The following PRL variants were observed in gnomAD, a reference collection of about 807,000 sequenced individuals.
The protein encoded by PRL is decidual prolactin.
PRL carries 24 observed loss-of-function variants against 21.3 expected under a neutral mutation model. The ratio of observed to expected loss-of-function variants is 1.13; its 90% CI spans 0.82 to 1.59. PRL has a LOEUF of 1.59. Ranked by LOEUF, PRL falls within the 40% of genes most tolerant of loss-of-function variation. The pLI is 0.00. For synonymous variants in PRL, 118 were observed against 115.7 expected (o/e 1.02, Z -0.13); for missense variants, 243 against 286.9 (o/e 0.85, Z 1.10).
chr6:22,302,189 A>T (rs776199129), upstream of PRL, among the ~76,000 whole-genome samples: 7 of 152,184 alleles, frequency 4.6e-5, no homozygotes, highest in Non-Finnish European at 1.0e-4. Flanking sequence ...TCAACAAATG[A>T]TGCAAAGTTC....
chr6:22,292,528 A>G lies in PRL; in HGVS notation c.312+10T>C. ...GTTGTTTTGGTGCAAAGCCTGGATG[A>G]AGGACTCACATTCATCTGTTGGGCT... On this transcript the variant is annotated intron_variant, in intron 3 of 4. Coordinates refer to ENST00000306482, the MANE Select transcript of PRL (RefSeq NM_000948.6). The G allele has an allele frequency of 6.2e-7, 1 of 1,612,410 alleles. No homozygotes were observed. Among genetic ancestry groups the G allele is most frequent in the Non-Finnish European group, 8.5e-7 (1 of 1,178,540 alleles).
chr6:22,288,648 G>A lies in PRL; in HGVS notation c.493-1055C>T, dbSNP rs903210678. Among the ~76,000 whole-genome samples the A allele has an allele frequency of 2.0e-5, 3 of 152,170 alleles. No homozygotes were observed. The highest frequency in any genetic ancestry group is 4.8e-5 in the African/African-American group (2 of 41,424). Reference sequence around the variant, plus strand: ...AGGAGGCTGAACAGCACAACAGAGGGCATGCTATGTTTCTTCACACTCTAT... The same window carrying A: ...AGGAGGCTGAACAGCACAACAGAGGACATGCTATGTTTCTTCACACTCTAT... On this transcript the variant is annotated intron_variant, in intron 4 of 4. Coordinates refer to ENST00000306482, the MANE Select transcript of PRL (RefSeq NM_000948.6). This position sits in a 1 kb window ranked among gnomAD's most constrained non-coding sequence, Gnocchi z 4.5.
At chr6:22,295,464 A>C (rs1761155022) in intron 1 of PRL, among the ~76,000 whole-genome samples, 1 of 152,178 alleles carries the variant, frequency 6.6e-6, no homozygotes, top group African/African-American at 2.4e-5. Flanking sequence ...CAGTGTTTAC[A>C]TAGGTTGTTG....
chr6:22,292,238 A>G (rs1402564753), intron 3 of PRL, among the ~76,000 whole-genome samples: 1 of 152,182 alleles, frequency 6.6e-6, no homozygotes, highest in Non-Finnish European at 1.5e-5. Flanking sequence ...CAGAAGTCCA[A>G]TTCAGTTCAA....
upstream of PRL, among the ~76,000 whole-genome samples, chr6:22,299,770 C>G (rs551866291): frequency 6.6e-6 from 1 of 152,134 alleles, no homozygotes; most frequent in African/African-American, 2.4e-5. Context: ...ACCCAGGAGG[C>G]AGAGGTTGCA....
At chr6:22,296,435 T>C (rs1761174337) in intron 1 of PRL, among the ~76,000 whole-genome samples, 1 of 152,202 alleles carries the variant, frequency 6.6e-6, no homozygotes. Context: ...GGCTTCACAA[T>C]TGAAAGTTTC....
chr6:22,302,049 A>T (rs536804229), upstream of PRL, among the ~76,000 whole-genome samples: 1 of 152,304 alleles, frequency 6.6e-6, no homozygotes, highest in Non-Finnish European at 1.5e-5. Flanking sequence ...GGAAAATAAG[A>T]TTAAAAAGAA....
At chr6:22,296,726 C>T (rs1761183413) in intron 1 of PRL, among the ~76,000 whole-genome samples, 1 of 152,202 alleles carries the variant, frequency 6.6e-6, no homozygotes, top group African/African-American at 2.4e-5. Flanking sequence ...GTTAAGACAA[C>T]CCAAAACATC....
At position 22,290,319 on chromosome 6, in the gene PRL, A is replaced by G. The variant is rs758117802; in HGVS notation, c.347T>C (p.Leu116Ser). Residue 116 changes from leucine to serine, a missense_variant, in exon 4 of 5, where the codon TTG (leucine) becomes TCG (serine). Leu to Ser is a moderately radical substitution (Grantham distance 145, BLOSUM62 -2). Coordinates refer to ENST00000306482, the MANE Select transcript of PRL (RefSeq NM_000948.6). Reference protein sequence around the residue: ...KDFLSLIVSILRSWNEPLYHL... With the variant: ...KDFLSLIVSISRSWNEPLYHL... ...ATACAGAGGCTCATTCCAGGATCGC[A>G]ATATGCTGACTATCAGGCTCAGAAA... The G allele has an allele frequency of 6.2e-7, 1 of 1,607,178 alleles. No individual in the cohort carries two copies. Among genetic ancestry groups the G allele is most frequent in the Non-Finnish European group, 8.5e-7 (1 of 1,175,288 alleles).
chr6:22,294,937 T>G (rs1761144001), intron 1 of PRL, among the ~76,000 whole-genome samples: 1 of 152,188 alleles, frequency 6.6e-6, no homozygotes, highest in Non-Finnish European at 1.5e-5. Context: ...CTGCAGATTT[T>G]CAGCAGTCAG....
chr6:22,290,118 A>G (rs1465186371), intron 4 of PRL, 56 bp downstream of exon 4: 1 of 1,417,862 alleles, frequency 7.1e-7, no homozygotes, highest in Non-Finnish European at 9.4e-7. Flanking sequence ...TTATCATCAC[A>G]GAGGTCACCG....
chr6:22,296,538 C>T (rs1013436380), intron 1 of PRL, among the ~76,000 whole-genome samples: 5 of 152,210 alleles, frequency 3.3e-5, no homozygotes, highest in Middle Eastern at 3.2e-3. Flanking sequence ...AAATTGGACC[C>T]ACAGACTCTT....
intron 2 of PRL, 117 bp from the exon 3 acceptor site, chr6:22,292,762 C>A (rs1382767522): frequency 2.6e-6 from 2 of 771,128 alleles, no homozygotes; most frequent in Non-Finnish European, 4.0e-6. Context: ...ATTAGAGCTA[C>A]ATAAAAATGA....
At chr6:22,294,276 G>T in intron 2 of PRL, 133 bp downstream of exon 2, 2 of 956,664 alleles carry the variant, frequency 2.1e-6, no homozygotes. Flanking sequence ...CTTATGAGCT[G>T]GTGTCTTCTT....
At chr6:22,300,382 A>T (rs921483052), upstream of PRL, among the ~76,000 whole-genome samples, 1 of 152,238 alleles carries the variant, frequency 6.6e-6, no homozygotes, top group Non-Finnish European at 1.5e-5. Flanking sequence ...TTAGCAGCTG[A>T]GCTTTCAGCC....
chr6:22,296,406 T>C (rs1044540757), intron 1 of PRL, among the ~76,000 whole-genome samples: 1 of 152,238 alleles, frequency 6.6e-6, no homozygotes, highest in African/African-American at 2.4e-5. Context: ...GACAATTCTG[T>C]TGTTAGTGTC....
intron 3 of PRL, among the ~76,000 whole-genome samples, chr6:22,292,166 A>G (rs912474810): frequency 6.6e-6 from 1 of 152,216 alleles, no homozygotes; most frequent in African/African-American, 2.4e-5. Context: ...AGTCACGAGT[A>G]ATATGTAATA....
Position 22,296,952 on chromosome 6 carries a change from T to A in PRL, c.28+3A>T. On this transcript the variant is annotated splice_donor_region_variant and intron_variant, in intron 1 of 4. Transcript: ENST00000306482. ...CAACAACGCAGTGAGTTGTCACACA[T>A]ACCTTTCCATGGCGATCCTTTGATG... 1 of 1,613,972 alleles carries A rather than the reference T, an allele frequency of 6.2e-7. No homozygotes were observed. Among genetic ancestry groups the A allele is most frequent in the Non-Finnish European group, 8.5e-7 (1 of 1,179,892 alleles).
chr6:22,288,885 CGTGTGT>C lies in PRL; in HGVS notation c.492+1283_492+1288del, dbSNP rs1156374361. ...GTGTGTGTGTGTGTATGCGCGTGCG[CGTGTGT>C]GTGCGTGTGTGCGCGCGCGTGTGTG... On this transcript the variant is annotated intron_variant, in intron 4 of 4. Transcript: ENST00000306482. This position sits in a 1 kb window ranked among gnomAD's most constrained non-coding sequence, Gnocchi z 4.5. Among the ~76,000 whole-genome samples the C allele has an allele frequency of 6.6e-6, 1 of 150,956 alleles. No individual in the cohort carries two copies.
Sources: gnomAD v4.1 joint callset for allele counts (sites outside exome capture counted in the v4.1 genomes callset) on GRCh38, gnomAD v4.1.1 for gene constraint, Gnocchi (gnomAD v3.1) non-coding constraint, MANE v1.5 for transcripts, NCBI Gene and HGNC (gene_info 2026-07-23, HGNC 2026-07-21) for gene names.